BCAR3: variants seen among roughly 807,000 people sequenced by gnomAD.
The protein encoded by BCAR3 is breast cancer anti-estrogen resistance protein 3.
A neutral mutation model predicts 80.1 loss-of-function variants in BCAR3; 37 were observed. The observed-to-expected ratio is 0.46, with a 90% CI of 0.36 to 0.61. The LOEUF is 0.61. BCAR3 is among the 20% of genes least tolerant of loss of function. The probability of loss-of-function intolerance (pLI) is 0.00; values close to 1 mark genes in which losing one functional copy is unlikely to be tolerated. For missense variants in BCAR3, 978 were observed against 1,068.2 expected (o/e 0.92, Z 1.18); for synonymous variants, 389 against 418.9 (o/e 0.93, Z 0.87).
At chr1:93,628,233 C>T (rs1224562919) in intron 3 of BCAR3, among the ~76,000 whole-genome samples, 1 of 152,226 alleles carries the variant, frequency 6.6e-6, no homozygotes, top group East Asian at 1.9e-4. Context: ...GCTCTGCCTT[C>T]ACGTTACATT....
intron 2 of BCAR3, among the ~76,000 whole-genome samples, chr1:93,790,652 T>A (rs1189295149): frequency 1.2e-5 from 1 of 82,892 alleles, no homozygotes; most frequent in African/African-American, 1.1e-4. Flanking sequence ...TTTTTCTTAA[T>A]TTTTTTTTTT....
intron 3 of BCAR3, among the ~76,000 whole-genome samples, chr1:93,624,355 A>AGGACGTTTCCAGGTCATG (rs1423518859): frequency 3.9e-5 from 6 of 152,218 alleles, no homozygotes; most frequent in Admixed American, 3.3e-4. Flanking sequence ...TTCCAGGTCA[A>AGGACGTTTCCAGGTCATG]AGGACAGGAC....
intron 3 of BCAR3, among the ~76,000 whole-genome samples, chr1:93,603,896 G>C (rs943762524): frequency 1.3e-5 from 2 of 152,162 alleles, no homozygotes; most frequent in African/African-American, 4.8e-5. Flanking sequence ...GAGGGTTTCT[G>C]GTCCCTTCTG....
chr1:93,689,613 G>C (rs1649100812), intron 3 of BCAR3, among the ~76,000 whole-genome samples: 2 of 152,002 alleles, frequency 1.3e-5, no homozygotes, highest in South Asian at 4.2e-4. Flanking sequence ...GAGTTGTAGG[G>C]GGGCAGGGAG....
intron 2 of BCAR3, chr1:93,845,540 G>A (rs916505293): frequency 9.5e-5 from 12 of 126,474 alleles, no homozygotes; most frequent in Non-Finnish European, 2.0e-4. Context: ...AAATAGGCCT[G>A]GCACCAATCA....
intron 3 of BCAR3, among the ~76,000 whole-genome samples, chr1:93,697,936 C>T (rs1649478637): frequency 6.6e-6 from 1 of 152,194 alleles, no homozygotes; most frequent in South Asian, 2.1e-4. Context: ...CGAGATCGTG[C>T]CATTGCACTC....
intron 3 of BCAR3, among the ~76,000 whole-genome samples, chr1:93,601,720 A>G (rs1674629984): frequency 6.6e-6 from 1 of 152,204 alleles, no homozygotes; most frequent in South Asian, 2.1e-4. Context: ...TTATTCCATG[A>G]TCAAGCCTGG....
chr1:93,808,970 A>G (rs965177684), intron 2 of BCAR3, among the ~76,000 whole-genome samples: 1 of 152,164 alleles, frequency 6.6e-6, no homozygotes, highest in Non-Finnish European at 1.5e-5. Flanking sequence ...GACAAACATA[A>G]CCAACTCAAC....
At chr1:93,728,439 A>G (rs1402548778) in intron 2 of BCAR3, among the ~76,000 whole-genome samples, 2 of 152,226 alleles carry the variant, frequency 1.3e-5, no homozygotes, top group African/African-American at 4.8e-5. Context: ...AACCAGTTCA[A>G]TTAGACCCTC....
chr1:93,763,191 G>A (rs1652015293), intron 2 of BCAR3, among the ~76,000 whole-genome samples: 1 of 152,124 alleles, frequency 6.6e-6, no homozygotes, highest in Non-Finnish European at 1.5e-5. Flanking sequence ...AGCCTCCAGA[G>A]TAGCTAGGAT....
In BCAR3 at chr1:93,651,590, G is replaced by C. The variant is rs143341726; in HGVS notation, c.318-9247C>G. The stretch of plus-strand genomic sequence containing the variant: ...CCACAAAACAGAGGAGACTCAGCTA[G>C]GAAGAGGAGTCTGAGGTTTGAACCA... On this transcript the variant is annotated intron_variant, in intron 2 of 11. Coordinates refer to ENST00000260502, the MANE Select transcript of BCAR3 (RefSeq NM_003567.4). Among the ~76,000 whole-genome samples, 175 of 152,330 alleles carry C rather than the reference G, an allele frequency of 1.1e-3. 3 individuals are homozygous for C. In the East Asian group the frequency reaches 0.025, roughly 22 times the overall value.
chr1:93,644,315 A>G (rs1472275236), intron 2 of BCAR3, among the ~76,000 whole-genome samples: 1 of 152,232 alleles, frequency 6.6e-6, no homozygotes, highest in African/African-American at 2.4e-5. Flanking sequence ...TAAGACTTCA[A>G]AGGAACCTTG....
At chr1:93,661,170 G>A (rs561617658) in intron 2 of BCAR3, among the ~76,000 whole-genome samples, 1 of 152,306 alleles carries the variant, frequency 6.6e-6, no homozygotes, top group Admixed American at 6.5e-5. Flanking sequence ...CTCCCGAGTA[G>A]GTGGGATTAC....
intron 2 of BCAR3, among the ~76,000 whole-genome samples, chr1:93,817,542 A>T (rs973441434): frequency 6.6e-6 from 1 of 152,188 alleles, no homozygotes; most frequent in Admixed American, 6.5e-5. Context: ...CATACAGTTC[A>T]GAAGTGGCAG....
At chr1:93,581,030 C>T (rs556510368) in intron 7 of BCAR3, among the ~76,000 whole-genome samples, 2 of 152,216 alleles carry the variant, frequency 1.3e-5, no homozygotes, top group Non-Finnish European at 2.9e-5. Flanking sequence ...GGTGTGGTGG[C>T]ATGCGCCTGT....
At position 93,758,216 on chromosome 1, in the gene BCAR3, T is replaced by C. The variant is rs903411820; in HGVS notation, c.-62-52074A>G. The stretch of plus-strand genomic sequence containing the variant: ...GGGCAGCCTGCCTAGCATTTGTACC[T>C]GTCAGAGACCAGAGAAAGAGGAGTA... On this transcript the variant is annotated intron_variant, in intron 2 of 13. Transcript: ENST00000370244. Among the ~76,000 whole-genome samples, 4 of 152,334 alleles carry C rather than the reference T, an allele frequency of 2.6e-5. No individual in the cohort carries two copies. In the Middle Eastern group the frequency reaches 0.01, roughly 389 times the overall value.
At chr1:93,764,269 C>T (rs1432599365) in intron 2 of BCAR3, among the ~76,000 whole-genome samples, 1 of 152,188 alleles carries the variant, frequency 6.6e-6, no homozygotes, top group East Asian at 1.9e-4. Flanking sequence ...CTTCTCATTC[C>T]TTCCTGTGAT....
intron 2 of BCAR3, among the ~76,000 whole-genome samples, chr1:93,657,583 T>C (rs1647447157): frequency 1.3e-5 from 2 of 151,978 alleles, no homozygotes; most frequent in African/African-American, 2.4e-5. Flanking sequence ...TCAAATAAAG[T>C]TTATTCCAGG....
chr1:93,566,923 T>C (rs1026429672), intron 11 of BCAR3, among the ~76,000 whole-genome samples: 2 of 152,164 alleles, frequency 1.3e-5, no homozygotes, highest in Non-Finnish European at 2.9e-5. Flanking sequence ...AGACAGGGTT[T>C]CATCATGTTG....
Sources: allele counts gnomAD v4.1 joint callset (sites outside exome capture counted in the v4.1 genomes callset), GRCh38; gene constraint gnomAD v4.1.1; transcripts MANE v1.5; gene names NCBI Gene and HGNC (gene_info 2026-07-23, HGNC 2026-07-21).